The following GPR137C variants were observed in gnomAD, a reference collection of about 807,000 sequenced individuals.
GPR137C encodes the protein G protein-coupled receptor 137C, also known as integral membrane protein GPR137C.
In GPR137C, 27 loss-of-function variants were observed where a neutral mutation model predicts 43.4. The ratio of observed to expected loss-of-function variants is 0.62; its 90% CI spans 0.46 to 0.86. GPR137C has a LOEUF of 0.86. GPR137C is among the 40% of genes least tolerant of loss of function. GPR137C has a pLI of 0.00. For synonymous variants in GPR137C, 285 were observed against 226.9 expected, an observed-to-expected ratio of 1.26 and a Z score of -2.30; for missense variants, 522 against 534.6, an observed-to-expected ratio of 0.98 and a Z score of 0.23.
intron 1 of GPR137C, among the ~76,000 whole-genome samples, chr14:52,578,406 TC>T (rs1308348312): frequency 6.6e-6 from 1 of 152,136 alleles, no homozygotes; most frequent in Non-Finnish European, 1.5e-5. Context: ...TTCCAGCCTG[TC>T]TTTTGACTTT....
At chr14:52,584,040 T>C (rs1594790374) in intron 1 of GPR137C, among the ~76,000 whole-genome samples, 2 of 152,230 alleles carry the variant, frequency 1.3e-5, no homozygotes, top group African/African-American at 4.8e-5. Flanking sequence ...TCTCTTCTGT[T>C]CTCCCCACTC....
intron 3 of GPR137C, among the ~76,000 whole-genome samples, chr14:52,620,672 G>A (rs1415279299): frequency 6.7e-6 from 1 of 150,100 alleles, no homozygotes; most frequent in African/African-American, 2.5e-5. Flanking sequence ...ATGCTCAAGG[G>A]CTTGAAGGAA....
chr14:52,553,640 G>A, intron 1 of GPR137C, 49 bp downstream of exon 1: 3 of 1,304,204 alleles, frequency 2.3e-6, no homozygotes, highest in Non-Finnish European at 3.1e-6. Context: ...GCGCGGGGCC[G>A]CCGGGATCAA....
At chr14:52,567,651 T>G (rs1164048781) in intron 1 of GPR137C, among the ~76,000 whole-genome samples, 1 of 129,528 alleles carries the variant, frequency 7.7e-6, no homozygotes, top group Non-Finnish European at 1.5e-5. Context: ...AGATTGTTCT[T>G]TTTTTTTTTG....
intron 1 of GPR137C, among the ~76,000 whole-genome samples, chr14:52,559,111 C>T (rs929329395): frequency 6.6e-6 from 1 of 152,196 alleles, no homozygotes; most frequent in Non-Finnish European, 1.5e-5. Context: ...GGTGCAGTGG[C>T]TCACGCCTCT....
At chr14:52,556,531 A>G (rs1594776950) in intron 1 of GPR137C, among the ~76,000 whole-genome samples, 1 of 152,090 alleles carries the variant, frequency 6.6e-6, no homozygotes, top group South Asian at 2.1e-4. Context: ...GGAAAAAAAA[A>G]AGAAAAGCCA....
intron 1 of GPR137C, among the ~76,000 whole-genome samples, chr14:52,583,406 C>G (rs2038674101): frequency 1.3e-5 from 2 of 152,164 alleles, no homozygotes; most frequent in Non-Finnish European, 2.9e-5. Flanking sequence ...GGTTATGCTT[C>G]TATAATGCAT....
intron 3 of GPR137C, among the ~76,000 whole-genome samples, chr14:52,601,509 T>TATATAG (rs1464988508): frequency 5.3e-5 from 8 of 149,750 alleles, no homozygotes; most frequent in African/African-American, 2.0e-4. Context: ...TATATATATA[T>TATATAG]AGAGAGAGAG....
intron 3 of GPR137C, among the ~76,000 whole-genome samples, chr14:52,625,645 C>A (rs1353913460): frequency 1.5e-5 from 2 of 137,808 alleles, no homozygotes; most frequent in Admixed American, 7.8e-5. Context: ...ATCTCCGCCT[C>A]CCAGGTTCAC....
rs2038102173 is a variant in GPR137C, at chr14:52,552,986, C to T, written c.-162C>T. Among the ~76,000 whole-genome samples, 2 of 142,254 alleles carry T rather than the reference C, an allele frequency of 1.4e-5. No homozygotes were observed. Among genetic ancestry groups the T allele is most frequent in the Non-Finnish European group, 3.1e-5 (2 of 65,366 alleles). The allele number at this position is 142,254 out of a possible 152,430, so 93.3% of individuals were successfully genotyped here. A position where few individuals can be genotyped will look rare whatever the true frequency, so the allele number is the denominator to read the frequency against. On this transcript the variant is annotated 5_prime_UTR_variant, in exon 1 of 7. Coordinates refer to ENST00000321662, the MANE Select transcript of GPR137C (RefSeq NM_001099652.2). ...AAGAGGAGGCGGGGTCCGGGGGAGC[C>T]GCGGCTGCTTTGCGCTGGACTCCGG...
At chr14:52,631,927 T>C (rs189001977) in intron 3 of GPR137C, among the ~76,000 whole-genome samples, 1 of 149,496 alleles carries the variant, frequency 6.7e-6, no homozygotes, top group African/African-American at 2.5e-5. Context: ...ACAAAATCTT[T>C]CTCCAGCTGC....
chr14:52,559,202 C>G (rs2038240859), intron 1 of GPR137C, among the ~76,000 whole-genome samples: 3 of 152,010 alleles, frequency 2.0e-5, no homozygotes, highest in African/African-American at 7.3e-5. Flanking sequence ...TGGTGAAACC[C>G]CGTCTCTACT....
chr14:52,580,986 G>C (rs937004062), intron 1 of GPR137C, among the ~76,000 whole-genome samples: 1 of 151,010 alleles, frequency 6.6e-6, no homozygotes, highest in Non-Finnish European at 1.5e-5. Context: ...ATCACCTGAA[G>C]TCAGGAGTTT....
chr14:52,566,999 A>C (rs1170362896), intron 1 of GPR137C, among the ~76,000 whole-genome samples: 1 of 152,168 alleles, frequency 6.6e-6, no homozygotes, highest in Admixed American at 6.5e-5. Context: ...TGTAATCTCA[A>C]CTACTTGGGA....
chr14:52,560,440 G>A (rs577151096), intron 1 of GPR137C, among the ~76,000 whole-genome samples: 2 of 152,294 alleles, frequency 1.3e-5, no homozygotes, highest in East Asian at 1.9e-4. Context: ...ACATACGAGG[G>A]ACTTAGTGTA....
intron 1 of GPR137C, among the ~76,000 whole-genome samples, chr14:52,575,894 C>T (rs1358902632): frequency 6.6e-6 from 1 of 152,182 alleles, no homozygotes; most frequent in Non-Finnish European, 1.5e-5. Context: ...TCAGGGACAA[C>T]CTCCCAGTTA....
intron 1 of GPR137C, among the ~76,000 whole-genome samples, chr14:52,564,579 TCAA>T (rs1197962628): frequency 3.3e-5 from 5 of 152,184 alleles, no homozygotes. Context: ...AAGCCTTCAC[TCAA>T]CTACTCAAGT....
At chr14:52,592,110 G>C (rs1200693185) in intron 1 of GPR137C, among the ~76,000 whole-genome samples, 1 of 152,086 alleles carries the variant, frequency 6.6e-6, no homozygotes, top group Non-Finnish European at 1.5e-5. Flanking sequence ...GTTTTTGTCA[G>C]GTTTGTCAAA....
chr14:52,553,992 A>C (rs1026444032), intron 1 of GPR137C, among the ~76,000 whole-genome samples: 10 of 152,344 alleles, frequency 6.6e-5, no homozygotes, highest in African/African-American at 2.4e-4. Context: ...CTGAGGTAGC[A>C]GCAGCTCTGC....
Sources: allele counts gnomAD v4.1 joint callset (sites outside exome capture counted in the v4.1 genomes callset), GRCh38; gene constraint gnomAD v4.1.1; transcripts MANE v1.5; gene names NCBI Gene and HGNC (gene_info 2026-07-23, HGNC 2026-07-21).